The following CEL variants were observed in gnomAD, a reference collection of about 807,000 sequenced individuals.
CEL encodes the protein carboxyl ester lipase.
In CEL, 39 loss-of-function variants were observed where a neutral mutation model predicts 57.1. The ratio of observed to expected loss-of-function variants is 0.68; its 90% CI spans 0.53 to 0.89. The LOEUF (loss-of-function observed/expected upper bound fraction) is 0.89. Ranked by LOEUF, CEL falls within the 40% of genes least tolerant of loss-of-function variation. The probability of loss-of-function intolerance (pLI) is 0.00; values close to 1 mark genes in which losing one functional copy is unlikely to be tolerated. For missense variants in CEL, 698 were observed against 915.0 expected, an observed-to-expected ratio of 0.76 and a Z score of 3.06; for synonymous variants, 314 against 396.6, an observed-to-expected ratio of 0.79 and a Z score of 2.48.
Position 133,064,512 on chromosome 9 carries a change from A to T in CEL, c.175A>T (p.Thr59Ser). Residue 59 changes from threonine to serine, a missense_variant, in exon 2 of 11, where the codon ACC becomes TCC. Around this residue, in one of 6 missense-constraint regions of CEL, gnomAD observed 327 missense variants for 374.1 expected, o/e 0.87. Transcript: ENST00000372080. ...CAAGGGCATCCCCTTCGCAGCTCCC[A>T]CCAAGGCCCTGGAAAATCCTCAGCC... ...IFKGIPFAAP[T>S]KALENPQPHP... 1.2e-6 allele frequency: 2 copies of T among 1,614,078 alleles called. No individual in the cohort carries two copies. Among genetic ancestry groups the T allele is most frequent in the Non-Finnish European group, 1.7e-6 (2 of 1,179,978 alleles).
At position 133,064,426 on chromosome 9, in the gene CEL, G is replaced by C; in HGVS notation, c.89G>C (p.Gly30Ala). The C allele has an allele frequency of 6.2e-7, 1 of 1,614,124 alleles. No homozygotes were observed. Among genetic ancestry groups the C allele is most frequent in the Non-Finnish European group, 8.5e-7 (1 of 1,180,030 alleles). ...AAKLGAVYTE[G>A]GFVEGVNKKL... ...CAGCTGGGCGCCGTGTACACAGAAG[G>C]TGGGTTCGTGGAAGGCGTCAATAAG... is the stretch of plus-strand genomic sequence containing the variant. The change falls in exon 2 of 11, where the codon GGT becomes GCT. Residue 30 changes from glycine (G) to alanine (A), a missense_variant. Around this residue, in one of 6 missense-constraint regions of CEL, gnomAD observed 327 missense variants for 374.1 expected, o/e 0.87. Transcript: ENST00000372080.
chr9:133,070,087 A>C (rs1286080563), intron 9 of CEL, among the ~76,000 whole-genome samples: 1 of 151,738 alleles, frequency 6.6e-6, no homozygotes, highest in African/African-American at 2.4e-5. Flanking sequence ...ACTAAGCAGT[A>C]CATTTAGCTG....
rs2480920 is a variant in CEL, at chr9:133,070,540, G to A, written c.1366G>A (p.Ala456Thr). 5.6e-6 allele frequency: 9 copies of A among 1,613,878 alleles called. No individual in the cohort carries two copies. In the Middle Eastern group the frequency reaches 4.9e-4, roughly 89 times the overall value. Residue 456 changes from alanine (A) to threonine (T), a missense_variant, in exon 10 of 11, where the codon GCA (alanine) becomes ACA (threonine). By Grantham distance (58) the Ala-to-Thr change is moderately conservative. Transcript: ENST00000372080. ...VYPKWVGADHADDIQYVFGKP... is the reference protein window; with the variant it reads ...VYPKWVGADHTDDIQYVFGKP... Reference sequence around the variant, plus strand: ...CCCCAAATGGGTGGGGGCCGACCATGCAGATGACATTCAGTACGTTTTCGG... The same window carrying A: ...CCCCAAATGGGTGGGGGCCGACCATACAGATGACATTCAGTACGTTTTCGG...
At chr9:133,064,113 C>T (rs1830136313) in intron 1 of CEL, among the ~76,000 whole-genome samples, 1 of 152,180 alleles carries the variant, frequency 6.6e-6, no homozygotes, top group African/African-American at 2.4e-5. Context: ...ATAGCCAGAA[C>T]CCAAACCTCC....
chr9:133,066,392 C>T lies in CEL; in HGVS notation c.539-138C>T. On this transcript the variant is annotated intron_variant, in intron 4 of 10. Coordinates refer to ENST00000372080, the MANE Select transcript of CEL (RefSeq NM_001807.6). The surrounding 1 kb of genome is among the most constrained non-coding windows in gnomAD (Gnocchi z 4.3). The stretch of plus-strand genomic sequence containing the variant: ...TACCCGACCCAGCTTCTTAGGGACC[C>T]ACCATTTGCCAACTGGGGCTCTGCC... 1 of 1,062,720 alleles carries T rather than the reference C, an allele frequency of 9.4e-7. No individual in the cohort carries two copies. Among genetic ancestry groups the T allele is most frequent in the Non-Finnish European group, 1.4e-6 (1 of 715,042 alleles). The allele number at this position is 1,062,720 out of a possible 1,614,324, so 65.8% of individuals were successfully genotyped here. A position where few individuals can be genotyped will look rare whatever the true frequency, so the allele number is the denominator to read the frequency against.
chr9:133,071,684 A>G lies in CEL; in HGVS notation c.2182A>G (p.Thr728Ala), dbSNP rs1588493382. 6.2e-7 allele frequency: 1 copy of G among 1,601,350 alleles called. No homozygotes were observed. Among genetic ancestry groups the G allele is most frequent in the Non-Finnish European group, 8.5e-7 (1 of 1,173,840 alleles). The change falls in exon 11 of 11, where the codon ACG becomes GCG. Residue 728 changes from threonine (T) to alanine (A), a missense_variant. Thr to Ala is a moderately conservative substitution (Grantham distance 58, BLOSUM62 0). Coordinates refer to ENST00000372080, the MANE Select transcript of CEL (RefSeq NM_001807.6). Reference sequence around the variant, plus strand: ...CTCCGGGGCCCCCCCTGTGCCCCCCACGGGTGACTCTGAGGCTGCCCCTGT... The same window carrying G: ...CTCCGGGGCCCCCCCTGTGCCCCCCGCGGGTGACTCTGAGGCTGCCCCTGT... The part of the protein sequence containing the change: ...GDSGAPPVPP[T>A]GDSEAAPVPP...
intron 7 of CEL, 57 bp downstream of exon 7, chr9:133,067,262 C>A: frequency 1.3e-6 from 2 of 1,485,034 alleles, no homozygotes; most frequent in Non-Finnish European, 1.9e-6. Context: ...GAGGGGGGTA[C>A]TGCCAGGGAG....
At chr9:133,065,502 A>G (rs1295806304) in intron 4 of CEL, among the ~76,000 whole-genome samples, 2 of 152,114 alleles carry the variant, frequency 1.3e-5, no homozygotes, top group Middle Eastern at 3.2e-3. Context: ...GCAGAAGTTC[A>G]AGACCAGCCT....
At position 133,067,085 on chromosome 9, in the gene CEL, C is replaced by CA. The variant is rs762518268; in HGVS notation, c.778-2dup. Reference sequence around the variant, plus strand: ...TACCTGCTGGCCTTGGTTCTGCCCCCAGGTGGCTGAGAAGGTGGGTTGCCC... The same window carrying CA: ...TACCTGCTGGCCTTGGTTCTGCCCCCAAGGTGGCTGAGAAGGTGGGTTGCCC... On this transcript the variant is annotated splice_polypyrimidine_tract_variant and splice_region_variant and intron_variant, in intron 6 of 10. Transcript: ENST00000372080. The CA allele has an allele frequency of 3.7e-6, 6 of 1,614,132 alleles. No individual in the cohort carries two copies. In the Admixed American group the frequency reaches 5.0e-5, roughly 13 times the overall value.
intron 4 of CEL, among the ~76,000 whole-genome samples, chr9:133,065,793 C>T (rs956686258): frequency 2.7e-5 from 4 of 149,990 alleles, no homozygotes; most frequent in African/African-American, 9.9e-5. Context: ...TTGCGGTGAG[C>T]CGAGATCATG....
chr9:133,067,050 C>T lies in CEL; in HGVS notation c.778-38C>T, dbSNP rs371637241. On this transcript the variant is annotated intron_variant, in intron 6 of 10. Transcript: ENST00000372080. ...TCAAATGGTTCTGAGCCCTGAGCTC[C>T]GGCCTCACCTACCTGCTGGCCTTGG... 9.9e-6 allele frequency: 16 copies of T among 1,609,542 alleles called. No homozygotes were observed. In the Middle Eastern group the frequency reaches 5.0e-4, roughly 50 times the overall value.
rs1830183010 is a variant in CEL at position 133,066,728 on chromosome 9, G to A, written c.669+68G>A. 5 of 1,605,484 alleles carry A rather than the reference G, an allele frequency of 3.1e-6. No individual in the cohort carries two copies. The East Asian group carries it at 6.7e-5, about 22-fold the overall frequency. On this transcript the variant is annotated intron_variant, in intron 5 of 10. Coordinates refer to ENST00000372080, the MANE Select transcript of CEL (RefSeq NM_001807.6). The surrounding 1 kb of genome is among the most constrained non-coding windows in gnomAD (Gnocchi z 4.3). The stretch of plus-strand genomic sequence containing the variant: ...AGGAAGCTCAAACGGGAAGGGGAGG[G>A]TGGGAGGAGGAGCGTGGAGCTGGGG...
intron 7 of CEL, among the ~76,000 whole-genome samples, chr9:133,067,657 G>A (rs566911492): frequency 8.5e-5 from 13 of 152,258 alleles, no homozygotes; most frequent in Admixed American, 2.6e-4. Context: ...ACAGGCGTGA[G>A]CCACTGTGCC....
intron 1 of CEL, among the ~76,000 whole-genome samples, chr9:133,063,977 T>C (rs1026026832): frequency 2.2e-4 from 33 of 152,182 alleles, no homozygotes; most frequent in Middle Eastern, 3.4e-3. Context: ...ACACTGAGCA[T>C]TGGGTACACT....
intron 1 of CEL, among the ~76,000 whole-genome samples, chr9:133,063,727 G>C (rs555381754): frequency 1.3e-5 from 2 of 152,204 alleles, no homozygotes; most frequent in African/African-American, 4.8e-5. Context: ...GGCCCCTCGT[G>C]GGGGTGGACA....
At position 133,066,735 on chromosome 9, in the gene CEL, G is replaced by A. The variant is rs1830183128; in HGVS notation, c.669+75G>A. 1.2e-6 allele frequency: 2 copies of A among 1,606,414 alleles called. No individual in the cohort carries two copies. The highest frequency in any genetic ancestry group is 1.3e-5 in the African/African-American group (1 of 74,712). On this transcript the variant is annotated intron_variant, in intron 5 of 10. Coordinates refer to ENST00000372080, the MANE Select transcript of CEL (RefSeq NM_001807.6). The surrounding 1 kb of genome is among the most constrained non-coding windows in gnomAD (Gnocchi z 4.3). ...TCAAACGGGAAGGGGAGGGTGGGAG[G>A]AGGAGCGTGGAGCTGGGGCTGTGGT...
In CEL at chr9:133,066,649, GTC is replaced by G; in HGVS notation, c.664_665del (p.Leu222AlafsTer40). 1 of 1,613,524 alleles carries G rather than the reference GTC, an allele frequency of 6.2e-7. No individual in the cohort carries two copies. The highest frequency in any genetic ancestry group is 2.2e-5 in the East Asian group (1 of 44,866). ...LFGESAGGAS[V>X]SLQTLSPYNK... ...CGGGGAGTCTGCTGGAGGTGCCAGC[GTC>G]TCTCTGCAGGTCTCGGGATCCCTGT... On this transcript the variant is annotated frameshift_variant, in exon 5 of 11. Transcript: ENST00000372080. LOFTEE classifies it high-confidence loss of function. The surrounding 1 kb of genome is among the most constrained non-coding windows in gnomAD (Gnocchi z 4.3).
Position 133,066,700 on chromosome 9 carries a change from G to A in CEL, c.669+40G>A, listed in dbSNP as rs939948877. On this transcript the variant is annotated intron_variant, in intron 5 of 10. Coordinates refer to ENST00000372080, the MANE Select transcript of CEL (RefSeq NM_001807.6). The surrounding 1 kb of genome is among the most constrained non-coding windows in gnomAD (Gnocchi z 4.3). ...GTGGGGAGGGCCTGCCCCACAGGTT[G>A]AGAGGAAGCTCAAACGGGAAGGGGA... The A allele has an allele frequency of 5.6e-6, 9 of 1,609,556 alleles. No homozygotes were observed. In the African/African-American group the frequency reaches 1.2e-4, roughly 22 times the overall value.
chr9:133,063,920 G>A (rs1178070337), intron 1 of CEL, among the ~76,000 whole-genome samples: 1 of 152,144 alleles, frequency 6.6e-6, no homozygotes, highest in African/African-American at 2.4e-5. Flanking sequence ...GGAAAAGCAG[G>A]CCCCACCCCT....
Sources: gnomAD v4.1 joint callset for allele counts (sites outside exome capture counted in the v4.1 genomes callset) on GRCh38, gnomAD v4.1.1 for gene constraint, gnomAD v4.1.1 regional missense constraint, Gnocchi (gnomAD v3.1) non-coding constraint, MANE v1.5 for transcripts, NCBI Gene and HGNC (gene_info 2026-07-23, HGNC 2026-07-21) for gene names.